Variants in NWD2 observed in about 807,000 individuals in gnomAD.
NWD2 encodes NACHT and WD repeat domain-containing protein 2.
NWD2 carries 37 observed loss-of-function variants against 132.7 expected under a neutral mutation model. The ratio of observed to expected loss-of-function variants is 0.28; its 90% CI spans 0.21 to 0.37. The LOEUF is 0.37. Among genes scored for constraint, NWD2 ranks in the 10% least tolerant of loss-of-function variants. NWD2 has a pLI of 1.00. For missense variants in NWD2, 1,592 were observed against 2,122.4 expected (o/e 0.75, Z 4.91); for synonymous variants, 705 against 803.0 (o/e 0.88, Z 2.06).
At position 37,439,657 on chromosome 4, in the gene NWD2, T is replaced by C. The variant is rs1712429022; in HGVS notation, c.1296+267T>C. Among the ~76,000 whole-genome samples the C allele has an allele frequency of 6.6e-6, 1 of 152,168 alleles. No homozygotes were observed. The highest frequency in any genetic ancestry group is 1.5e-5 in the Non-Finnish European group (1 of 68,024). ...GGGCTAGTTCCCATCCCTCACCCCA[T>C]TTGGATGAAAACCCAGGCCAATCTC... On this transcript the variant is annotated intron_variant, in intron 6 of 6. Coordinates refer to ENST00000309447, the MANE Select transcript of NWD2 (RefSeq NM_001144990.2). This position sits in a 1 kb window ranked among gnomAD's most constrained non-coding sequence, Gnocchi z 4.5.
intron 1 of NWD2, among the ~76,000 whole-genome samples, chr4:37,323,493 C>T (rs915887045): frequency 7.2e-5 from 11 of 152,104 alleles, no homozygotes; most frequent in African/African-American, 2.4e-4. Flanking sequence ...CAATGAGATA[C>T]ATTCTCATAC....
intron 2 of NWD2, among the ~76,000 whole-genome samples, chr4:37,340,162 CTTTAAGT>C (rs1176053581): frequency 6.6e-6 from 1 of 152,112 alleles, no homozygotes; most frequent in East Asian, 1.9e-4. Context: ...TCTACCAGAT[CTTTAAGT>C]TTTAAGTCTC....
intron 1 of NWD2, among the ~76,000 whole-genome samples, chr4:37,270,912 A>G (rs763469143): frequency 6.6e-6 from 1 of 151,806 alleles, no homozygotes; most frequent in African/African-American, 2.4e-5. Context: ...GTTTGAGTGG[A>G]TTTTTGCATG....
chr4:37,265,075 T>C (rs1390475752), intron 1 of NWD2, among the ~76,000 whole-genome samples: 1 of 152,106 alleles, frequency 6.6e-6, no homozygotes, highest in Non-Finnish European at 1.5e-5. Flanking sequence ...CTCCAGCCTG[T>C]ACTGTGACTT....
chr4:37,446,720 T>C lies in NWD2; in HGVS notation c.4732T>C (p.Tyr1578His). 6.4e-7 allele frequency: 1 copy of C among 1,551,482 alleles called. No individual in the cohort carries two copies. Among genetic ancestry groups the C allele is most frequent in the Non-Finnish European group, 8.7e-7 (1 of 1,146,938 alleles). The part of the protein sequence containing the change: ...WRQRLSRDGR[Y>H]LVYICFRNGE... ...GCAGAGGTTGTCTCGGGATGGTCGC[T>C]ACCTGGTATACATTTGTTTCCGAAA... The change falls in exon 7 of 7, where the codon TAC becomes CAC. Residue 1578 changes from tyrosine to histidine, a missense_variant. Tyr to His is a moderately conservative substitution (Grantham distance 83). Coordinates refer to ENST00000309447, the MANE Select transcript of NWD2 (RefSeq NM_001144990.2). The surrounding 1 kb of genome is among the most constrained non-coding windows in gnomAD (Gnocchi z 6.7).
intron 1 of NWD2, among the ~76,000 whole-genome samples, chr4:37,303,333 A>G (rs1430066123): frequency 6.6e-6 from 1 of 152,214 alleles, no homozygotes; most frequent in Admixed American, 6.5e-5. Flanking sequence ...TACCAGTATC[A>G]TGCTGTTTCG....
chr4:37,271,802 G>A (rs1055075722), intron 1 of NWD2, among the ~76,000 whole-genome samples: 16 of 151,678 alleles, frequency 1.1e-4, no homozygotes, highest in Non-Finnish European at 2.1e-4. Flanking sequence ...CAGTTCACCC[G>A]ATAGATTCAA....
At chr4:37,367,122 A>T (rs1370913971) in intron 3 of NWD2, among the ~76,000 whole-genome samples, 1 of 152,296 alleles carries the variant, frequency 6.6e-6, no homozygotes, top group Non-Finnish European at 1.5e-5. Context: ...AAGGGTTGAA[A>T]TCATACTAAA....
rs182363775 is a variant in NWD2, at chr4:37,299,674, G to A, written c.152-26262G>A. Among the ~76,000 whole-genome samples, 199 of 152,216 alleles carry A rather than the reference G, an allele frequency of 1.3e-3. 1 individual carries two copies. The highest frequency in any genetic ancestry group is 2.1e-3 in the Non-Finnish European group (142 of 68,010). On this transcript the variant is annotated intron_variant, in intron 1 of 6. Coordinates refer to ENST00000309447, the MANE Select transcript of NWD2 (RefSeq NM_001144990.2). Reference sequence around the variant, plus strand: ...CAGGGTGGAGCCTCTGTAAGTGAAGGACTTGCTGATTGGTGAATTACTCTA... The same window carrying A: ...CAGGGTGGAGCCTCTGTAAGTGAAGAACTTGCTGATTGGTGAATTACTCTA...
At position 37,363,517 on chromosome 4, in the gene NWD2, A is replaced by G. The variant is rs1170987595; in HGVS notation, c.357+7035A>G. On this transcript the variant is annotated intron_variant, in intron 3 of 6. Transcript: ENST00000309447. ...GGATGAAGCTGGATGCTATTTTCCT[A>G]AGTGGATTAACTCAGGAACAGAAAA... Among the ~76,000 whole-genome samples, 10 of 152,318 alleles carry G rather than the reference A, an allele frequency of 6.6e-5. No individual in the cohort carries two copies. The East Asian group carries it at 9.7e-4, about 15-fold the overall frequency.
At chr4:37,263,163 T>C (rs780927671) in intron 1 of NWD2, among the ~76,000 whole-genome samples, 12 of 152,110 alleles carry the variant, frequency 7.9e-5, no homozygotes, top group Non-Finnish European at 1.8e-4. Context: ...GCTGCTGAGA[T>C]CCCAGAGTAT....
chr4:37,429,120 A>G, intron 3 of NWD2, among the ~76,000 whole-genome samples: 1 of 152,328 alleles, frequency 6.6e-6, no homozygotes, highest in Non-Finnish European at 1.5e-5. Flanking sequence ...GTTTTTAATA[A>G]AAAATAATAA....
At chr4:37,275,888 C>G (rs931433549) in intron 1 of NWD2, among the ~76,000 whole-genome samples, 13 of 152,100 alleles carry the variant, frequency 8.5e-5, no homozygotes, top group African/African-American at 2.7e-4. Context: ...GTAAAACTGG[C>G]TAGCCATATG....
chr4:37,342,735 T>C (rs1168180814), intron 2 of NWD2, among the ~76,000 whole-genome samples: 4 of 152,224 alleles, frequency 2.6e-5, no homozygotes, highest in Non-Finnish European at 5.9e-5. Flanking sequence ...ACTATCATGT[T>C]ATATTAGGAA....
At chr4:37,256,185 A>G (rs1717515068) in intron 1 of NWD2, among the ~76,000 whole-genome samples, 1 of 152,166 alleles carries the variant, frequency 6.6e-6, no homozygotes, top group East Asian at 1.9e-4. Context: ...GCTGGTCTGT[A>G]TCCTTATGTG....
chr4:37,305,636 T>C (rs1482051672), intron 1 of NWD2, among the ~76,000 whole-genome samples: 1 of 152,232 alleles, frequency 6.6e-6, no homozygotes, highest in Non-Finnish European at 1.5e-5. Context: ...TTTATTGATA[T>C]GCATGTGTTG....
At chr4:37,366,315 G>A (rs956901728) in intron 3 of NWD2, among the ~76,000 whole-genome samples, 3 of 152,104 alleles carry the variant, frequency 2.0e-5, no homozygotes, top group Admixed American at 6.5e-5. Context: ...AACTGCAACC[G>A]AGCCGCGGCC....
Position 37,444,452 on chromosome 4 carries a change from C to G in NWD2, c.2464C>G (p.Leu822Val). The change falls in exon 7 of 7, where the codon CTG becomes GTG. Residue 822 changes from leucine to valine, a missense_variant. Leu to Val is a conservative substitution (Grantham distance 32). Coordinates refer to ENST00000309447, the MANE Select transcript of NWD2 (RefSeq NM_001144990.2). This position sits in a 1 kb window ranked among gnomAD's most constrained non-coding sequence, Gnocchi z 4.8. ...DQPWVFQCNP[L>V]EPDIFFVNHR... ...GCCCTGGGTTTTCCAGTGTAATCCC[C>G]TGGAACCTGACATCTTTTTCGTTAA... 6.4e-7 allele frequency: 1 copy of G among 1,551,990 alleles called. No individual in the cohort carries two copies. The highest frequency in any genetic ancestry group is 8.7e-7 in the Non-Finnish European group (1 of 1,147,052).
intron 3 of NWD2, among the ~76,000 whole-genome samples, chr4:37,422,937 G>A (rs763792675): frequency 4.6e-5 from 7 of 151,308 alleles, no homozygotes; most frequent in South Asian, 4.2e-4. Context: ...ACTCATATTC[G>A]TAATATGTGA....
Sources: gnomAD v4.1 joint callset for allele counts (sites outside exome capture counted in the v4.1 genomes callset) on GRCh38, gnomAD v4.1.1 for gene constraint, Gnocchi (gnomAD v3.1) non-coding constraint, MANE v1.5 for transcripts, NCBI Gene and HGNC (gene_info 2026-07-23, HGNC 2026-07-21) for gene names.